The following ATXN2 variants were observed in gnomAD, a reference collection of about 807,000 sequenced individuals.
The protein encoded by ATXN2 is ataxin 2.
In ATXN2, 37 loss-of-function variants were observed where a neutral mutation model predicts 138.6. The observed-to-expected ratio is 0.27, with a 90% confidence interval of 0.21 to 0.35. The LOEUF is 0.35. Among genes scored for constraint, ATXN2 ranks in the 10% least tolerant of loss-of-function variants. The pLI is 1.00. For synonymous variants in ATXN2, 549 were observed against 543.7 expected (o/e 1.01, Z -0.13); for missense variants, 1,216 against 1,480.3 (o/e 0.82, Z 2.93).
At chr12:111,466,995 T>C (rs1468968451) in intron 20 of ATXN2, among the ~76,000 whole-genome samples, 2 of 152,286 alleles carry the variant, frequency 1.3e-5, no homozygotes, top group East Asian at 1.9e-4. Flanking sequence ...TTTATAAGAA[T>C]GTACTTCAAA....
chr12:111,597,996 G>A (rs1264745935), intron 1 of ATXN2: 10 of 1,201,326 alleles, frequency 8.3e-6, no homozygotes, highest in Non-Finnish European at 1.1e-5. Context: ...GGAGAGGTCT[G>A]GCGGGGGAAG....
At position 111,513,414 on chromosome 12, in the gene ATXN2, G is replaced by A. The variant is rs1244280752; in HGVS notation, c.1501C>T (p.Pro501Ser). 1.9e-6 allele frequency: 3 copies of A among 1,613,882 alleles called. No homozygotes were observed. The Admixed American group carries it at 5.0e-5, about 27-fold the overall frequency. ...GAGGGACTGGTCCTTGCTACTGGAG[G>A]AGTAGCTGCTTCACTGGGTGGGTTG... is the stretch of plus-strand genomic sequence containing the variant. ...SHNPPSEAATPPVARTSPSGG... is the reference protein window; with the variant it reads ...SHNPPSEAATSPVARTSPSGG... The change falls in exon 11 of 25, where the codon CCT becomes TCT. Residue 501 changes from proline to serine, a missense_variant. Pro to Ser is a moderately conservative substitution (Grantham distance 74, BLOSUM62 -1). Coordinates refer to ENST00000673436, the MANE Select transcript of ATXN2 (RefSeq NM_001372574.1).
intron 14 of ATXN2, among the ~76,000 whole-genome samples, chr12:111,497,205 T>C (rs1187092161): frequency 6.6e-6 from 1 of 151,886 alleles, no homozygotes; most frequent in Admixed American, 6.6e-5. Context: ...ACGAGACCAA[T>C]AACAAGTAAC....
chr12:111,468,075 G>A (rs1160139895), intron 20 of ATXN2, among the ~76,000 whole-genome samples: 1 of 152,228 alleles, frequency 6.6e-6, no homozygotes, highest in Non-Finnish European at 1.5e-5. Flanking sequence ...CTTTCCACTT[G>A]TTAAATCATG....
intron 11 of ATXN2, chr12:111,511,097 G>T (rs1269806618): frequency 6.6e-6 from 1 of 152,478 alleles, no homozygotes; most frequent in South Asian, 2.1e-4. Context: ...ACCCAAGTTA[G>T]TCAAAAGGGG....
At chr12:111,479,863 A>T (rs973878867) in intron 18 of ATXN2, among the ~76,000 whole-genome samples, 20 of 151,810 alleles carry the variant, frequency 1.3e-4, no homozygotes, top group Non-Finnish European at 2.6e-4. Context: ...ATTAAAAAAA[A>T]AAAAAAAATC....
rs1272872737 is a variant in ATXN2 at position 111,485,828 on chromosome 12, T to C, written c.2342A>G (p.Gln781Arg). 3 of 1,614,034 alleles carry C rather than the reference T, an allele frequency of 1.9e-6. No homozygotes were observed. Among genetic ancestry groups the C allele is most frequent in the Non-Finnish European group, 2.5e-6 (3 of 1,180,024 alleles). Residue 781 changes from glutamine (Q) to arginine (R), a missense_variant, in exon 17 of 25, where the codon CAA (glutamine) becomes CGA (arginine). Physicochemically the swap from Gln to Arg is conservative, Grantham distance 43. Around this residue, in one of 4 missense-constraint regions of ATXN2, gnomAD observed 490 missense variants for 653.5 expected, o/e 0.75. Coordinates refer to ENST00000673436, the MANE Select transcript of ATXN2 (RefSeq NM_001372574.1). Reference protein sequence around the residue: ...PSTTPTSPRPQAQPSPSMVGH... With the variant: ...PSTTPTSPRPRAQPSPSMVGH... ...CACCATAGATGGGCTAGGTTGTGCT[T>C]GAGGCCGAGGTGAAGTTGGGGTAGT...
intron 20 of ATXN2, among the ~76,000 whole-genome samples, chr12:111,467,227 CAA>C: frequency 6.9e-6 from 1 of 145,180 alleles, no homozygotes; most frequent in Non-Finnish European, 1.5e-5. Flanking sequence ...ACTGTAGCCT[CAA>C]AGTCCTGGAC....
intron 5 of ATXN2, among the ~76,000 whole-genome samples, chr12:111,542,415 G>C (rs1422857546): frequency 6.6e-6 from 1 of 150,894 alleles, no homozygotes; most frequent in Non-Finnish European, 1.5e-5. Flanking sequence ...ATTTTTAGTA[G>C]AGCCATGTCG....
intron 1 of ATXN2, among the ~76,000 whole-genome samples, chr12:111,567,474 T>C (rs1316732981): frequency 6.6e-6 from 1 of 150,778 alleles, no homozygotes; most frequent in Non-Finnish European, 1.5e-5. Flanking sequence ...CACTCCAGCC[T>C]GGGAGACAGA....
At chr12:111,535,492 C>T (rs1404710597) in intron 5 of ATXN2, among the ~76,000 whole-genome samples, 2 of 151,842 alleles carry the variant, frequency 1.3e-5, no homozygotes, top group Non-Finnish European at 2.9e-5. Flanking sequence ...CATGGTGGCG[C>T]GCGCCTGTCG....
intron 1 of ATXN2, among the ~76,000 whole-genome samples, chr12:111,568,636 TGTTA>T (rs1218504308): frequency 1.3e-5 from 2 of 152,208 alleles, no homozygotes; most frequent in East Asian, 1.9e-4. Flanking sequence ...GCCCCTTTCT[TGTTA>T]GTTACCAACT....
intron 5 of ATXN2, among the ~76,000 whole-genome samples, chr12:111,535,979 G>A (rs569570726): frequency 1.9e-4 from 27 of 140,202 alleles, no homozygotes; most frequent in Non-Finnish European, 3.3e-4. Context: ...CAGCCTGGGC[G>A]ACAGAGCGAG....
In ATXN2 at chr12:111,516,318, G is replaced by C. The variant is rs1161133543; in HGVS notation, c.1211C>G (p.Pro404Arg). ...GTTGGGACCTGACTGGTAGCGAGAA[G>C]GTGGGCGAGAGGAAGGAGATGGGCA... is the stretch of plus-strand genomic sequence containing the variant. ...SPCPSPSSRP[P>R]SRYQSGPNSL... The change falls in exon 10 of 25, where the codon CCT becomes CGT. Residue 404 changes from proline (P) to arginine (R), a missense_variant. Transcript: ENST00000673436. This position sits in a 1 kb window ranked among gnomAD's most constrained non-coding sequence, Gnocchi z 5.0. 6.3e-7 allele frequency: 1 copy of C among 1,586,204 alleles called. No homozygotes were observed. The highest frequency in any genetic ancestry group is 8.5e-7 in the Non-Finnish European group (1 of 1,169,982).
Position 111,516,134 on chromosome 12 carries a change from A to G in ATXN2, c.1375+20T>C, listed in dbSNP as rs1173755983. The G allele has an allele frequency of 6.3e-7, 1 of 1,584,832 alleles. No individual in the cohort carries two copies. Among genetic ancestry groups the G allele is most frequent in the Admixed American group, 1.9e-5 (1 of 53,968 alleles). On this transcript the variant is annotated intron_variant, in intron 10 of 24. Coordinates refer to ENST00000673436, the MANE Select transcript of ATXN2 (RefSeq NM_001372574.1). This position sits in a 1 kb window ranked among gnomAD's most constrained non-coding sequence, Gnocchi z 5.0. The stretch of plus-strand genomic sequence containing the variant: ...TTAAACAAAGACAAACAAAAACATG[A>G]ACAAATTGTGGTATTGTACCTTCTG...
At chr12:111,518,513 G>C in intron 8 of ATXN2, 86 bp from the exon 9 acceptor site, 1 of 1,358,266 alleles carries the variant, frequency 7.4e-7, no homozygotes, top group South Asian at 1.6e-5. Flanking sequence ...AGACAGAAGG[G>C]AATGCTTGTT....
chr12:111,592,782 CAAAAAAAAAAAAAAAA>C (rs71083183), intron 1 of ATXN2, among the ~76,000 whole-genome samples: 5 of 26,032 alleles, frequency 1.9e-4, no homozygotes, highest in African/African-American at 4.3e-4. Flanking sequence ...GACTCCGTCT[CAAAAAAAAAAAAAAAA>C]AAAAAAGATA....
chr12:111,561,847 T>C (rs1290053364), intron 1 of ATXN2, among the ~76,000 whole-genome samples: 1 of 151,800 alleles, frequency 6.6e-6, no homozygotes, highest in Non-Finnish European at 1.5e-5. Context: ...AGTCTACCTC[T>C]GTCGCTCAGG....
intron 18 of ATXN2, among the ~76,000 whole-genome samples, chr12:111,481,713 T>C (rs1053579774): frequency 3.3e-5 from 5 of 152,132 alleles, no homozygotes; most frequent in Admixed American, 3.3e-4. Context: ...TGGGGTGCAG[T>C]GGTGTGATCT....
Sources: allele counts gnomAD v4.1 joint callset (sites outside exome capture counted in the v4.1 genomes callset), GRCh38; gene constraint gnomAD v4.1.1; regional missense constraint gnomAD v4.1.1; non-coding constraint Gnocchi (gnomAD v3.1); transcripts MANE v1.5; gene names NCBI Gene and HGNC (gene_info 2026-07-23, HGNC 2026-07-21).